Variants in TUBGCP3 observed in about 807,000 individuals in gnomAD.
The protein encoded by TUBGCP3 is gamma-tubulin complex component 3.
TUBGCP3 carries 50 observed loss-of-function variants against 123.1 expected under a neutral mutation model. That is an observed-to-expected ratio of 0.41 (90% confidence interval 0.32 to 0.51). The LOEUF (loss-of-function observed/expected upper bound fraction) is 0.51. TUBGCP3 is among the 20% of genes least tolerant of loss of function. The pLI is 0.36. For synonymous variants in TUBGCP3, 405 were observed against 413.9 expected (o/e 0.98, Z 0.26); for missense variants, 882 against 1,127.0 (o/e 0.78, Z 3.11).
intron 17 of TUBGCP3, among the ~76,000 whole-genome samples, chr13:112,512,675 C>A (rs1397302033): frequency 2.6e-5 from 4 of 152,022 alleles, no homozygotes; most frequent in African/African-American, 9.7e-5. Flanking sequence ...GTGGAGGTTG[C>A]AGTGAGCCAA....
At position 112,519,829 on chromosome 13, in the gene TUBGCP3, C is replaced by T. The variant is rs976504878; in HGVS notation, c.1881+57G>A. ...ATGGAAAACACTCGCTAGAACACCC[C>T]GGCCCAGTGGGTCCTCGGTGCCGGG... On this transcript the variant is annotated intron_variant, in intron 15 of 21. Transcript: ENST00000261965. This position sits in a 1 kb window ranked among gnomAD's most constrained non-coding sequence, Gnocchi z 6.2. The T allele has an allele frequency of 1.1e-5, 17 of 1,582,552 alleles. No individual in the cohort carries two copies. The highest frequency in any genetic ancestry group is 4.5e-5 in the East Asian group (2 of 43,962).
At chr13:112,594,793 C>T in the TUBGCP3 span, among the ~76,000 whole-genome samples, 13 of 152,108 alleles carry the variant, frequency 8.5e-5, no homozygotes, top group Non-Finnish European at 1.3e-4. Flanking sequence ...TGTACTTTTA[C>T]GTATTTCTCT....
At position 112,562,456 on chromosome 13, in the gene TUBGCP3, G is replaced by A. The variant is rs546408713; in HGVS notation, c.252+2655C>T. On this transcript the variant is annotated intron_variant, in intron 3 of 21. Transcript: ENST00000261965. ...CCTCAGGAGCTGTGGTCACAGCTAC[G>A]CCACTGACAAACAGCTGCCCAGCAG... Among the ~76,000 whole-genome samples the A allele has an allele frequency of 1.1e-4, 16 of 152,322 alleles. No homozygotes were observed. In the East Asian group the frequency reaches 1.9e-3, roughly 18 times the overall value.
At chr13:112,531,485 T>G (rs1294854543) in intron 11 of TUBGCP3, among the ~76,000 whole-genome samples, 1 of 152,252 alleles carries the variant, frequency 6.6e-6, no homozygotes, top group Non-Finnish European at 1.5e-5. Context: ...GGGACTGCTC[T>G]GTAGCTTGCC....
At chr13:112,556,399 C>A (rs1218286741) in intron 5 of TUBGCP3, among the ~76,000 whole-genome samples, 175 bp from the exon 6 acceptor site, 2 of 152,108 alleles carry the variant, frequency 1.3e-5, no homozygotes, top group African/African-American at 4.8e-5. Flanking sequence ...GTCCCAAGTC[C>A]CTTGAACTTG....
upstream of TUBGCP3, among the ~76,000 whole-genome samples, chr13:112,589,890 G>A (rs143828108): frequency 1.5e-3 from 223 of 152,264 alleles, no homozygotes; most frequent in Middle Eastern, 6.8e-3. Context: ...AAAACAGGAC[G>A]AGAAAATTGG....
chr13:112,545,799 C>A lies in TUBGCP3; in HGVS notation c.1235G>T (p.Arg412Leu). 6.2e-7 allele frequency: 1 copy of A among 1,614,160 alleles called. No individual in the cohort carries two copies. The highest frequency in any genetic ancestry group is 8.5e-7 in the Non-Finnish European group (1 of 1,180,036). ...AYTKTGDPYM[R>L]SLVQHILSLV... ...GCTGAGGATGTGCTGCACCAGAGAC[C>A]GCATGTACGGGTCTCCTGTTTTTGT... The change falls in exon 11 of 22, where the codon CGG becomes CTG. Residue 412 changes from arginine to leucine, a missense_variant. Coordinates refer to ENST00000261965, the MANE Select transcript of TUBGCP3 (RefSeq NM_006322.6). This position sits in a 1 kb window ranked among gnomAD's most constrained non-coding sequence, Gnocchi z 4.1.
the TUBGCP3 span, among the ~76,000 whole-genome samples, chr13:112,602,329 T>TA: frequency 6.6e-6 from 1 of 152,266 alleles, no homozygotes; most frequent in African/African-American, 2.4e-5. Flanking sequence ...TTAGAGCGCT[T>TA]ATTCCCCTTC....
At chr13:112,526,884 AC>A in intron 13 of TUBGCP3, 57 bp downstream of exon 13, 1 of 1,256,376 alleles carries the variant, frequency 8.0e-7, no homozygotes, top group Non-Finnish European at 1.2e-6. Flanking sequence ...CACCATCCTC[AC>A]ATCATCATCA....
rs141278508 is a variant in TUBGCP3 at position 112,490,253 on chromosome 13, ATGTTTGTT to A, written c.2449-564_2449-557del. 9.9e-5 allele frequency among the ~76,000 whole-genome samples: 15 copies of A among 152,222 alleles called. 1 individual carries two copies. The highest frequency in any genetic ancestry group is 7.9e-4 in the Admixed American group (12 of 15,284). ...TTCTCAGATAGCATATATAGGAATTATGTTTGTTTGTTTGTTTGTTTTTTGAGATGGAG... is the reference window on the plus strand; with the variant it reads ...TTCTCAGATAGCATATATAGGAATTATGTTTGTTTGTTTTTTGAGATGGAG... On this transcript the variant is annotated intron_variant, in intron 20 of 21. Coordinates refer to ENST00000261965, the MANE Select transcript of TUBGCP3 (RefSeq NM_006322.6).
chr13:112,502,149 T>C (rs922781814), intron 19 of TUBGCP3, among the ~76,000 whole-genome samples: 11 of 152,210 alleles, frequency 7.2e-5, no homozygotes, highest in Non-Finnish European at 1.3e-4. Flanking sequence ...TGCCAGCCAC[T>C]ATGGTCAACA....
At chr13:112,546,418 G>A (rs1566566263) in intron 10 of TUBGCP3, 2 of 152,966 alleles carry the variant, frequency 1.3e-5, no homozygotes, top group Non-Finnish European at 2.9e-5. Context: ...GAACTACACA[G>A]TATGAAGGAC....
At chr13:112,500,434 A>C (rs1880828524) in intron 19 of TUBGCP3, among the ~76,000 whole-genome samples, 1 of 152,234 alleles carries the variant, frequency 6.6e-6, no homozygotes, top group African/African-American at 2.4e-5. Context: ...GTGAAAAAGA[A>C]GCAAAGGCAG....
intron 17 of TUBGCP3, among the ~76,000 whole-genome samples, chr13:112,513,404 T>G (rs1200870025): frequency 1.3e-5 from 2 of 152,236 alleles, no homozygotes; most frequent in African/African-American, 4.8e-5. Context: ...TGGTAGATCA[T>G]GATCAAAAAC....
intron 16 of TUBGCP3, 29 bp from the exon 17 acceptor site, chr13:112,516,604 AG>A: frequency 1.9e-6 from 3 of 1,606,544 alleles, no homozygotes; most frequent in Non-Finnish European, 2.6e-6. Flanking sequence ...ACAAGTTGAT[AG>A]TATTCCCACG....
chr13:112,504,543 TAC>T (rs1276047131), intron 18 of TUBGCP3, 81 bp downstream of exon 18: 17 of 941,622 alleles, frequency 1.8e-5, no homozygotes, highest in South Asian at 8.4e-5. Context: ...CACACATACA[TAC>T]ACATATATAT....
chr13:112,548,624 T>C (rs537300093), intron 8 of TUBGCP3, among the ~76,000 whole-genome samples: 5 of 152,246 alleles, frequency 3.3e-5, no homozygotes, highest in Admixed American at 2.0e-4. Context: ...ACAAAGAACT[T>C]AAACAAATTT....
intron 14 of TUBGCP3, among the ~76,000 whole-genome samples, chr13:112,520,848 C>G (rs1345600748): frequency 1.3e-5 from 2 of 152,184 alleles, no homozygotes; most frequent in Non-Finnish European, 2.9e-5. Context: ...AGGAACACCA[C>G]TAATCAACTC....
chr13:112,582,069 G>A (rs1882311705), intron 1 of TUBGCP3, among the ~76,000 whole-genome samples: 1 of 152,124 alleles, frequency 6.6e-6, no homozygotes, highest in Admixed American at 6.5e-5. Flanking sequence ...CTTAATCTGT[G>A]CTTCAGAGGG....
Sources: gnomAD v4.1 joint callset for allele counts (sites outside exome capture counted in the v4.1 genomes callset) on GRCh38, gnomAD v4.1.1 for gene constraint, Gnocchi (gnomAD v3.1) non-coding constraint, MANE v1.5 for transcripts, NCBI Gene and HGNC (gene_info 2026-07-23, HGNC 2026-07-21) for gene names.